STK32C: variants seen among roughly 807,000 people sequenced by gnomAD.
STK32C encodes serine/threonine kinase 32C.
Under a neutral mutation model 56.5 loss-of-function variants are expected in STK32C, and 31 were observed. That is an observed-to-expected ratio of 0.55 (90% CI 0.41 to 0.74). STK32C has a LOEUF of 0.74. Among genes scored for constraint, STK32C ranks in the 30% least tolerant of loss-of-function variants. The probability of loss-of-function intolerance (pLI) is 0.00; values close to 1 mark genes in which losing one functional copy is unlikely to be tolerated. For synonymous variants in STK32C, 309 were observed against 289.4 expected (o/e 1.07, Z -0.69); for missense variants, 544 against 676.9 (o/e 0.80, Z 2.18).
chr10:132,261,306 T>C (rs1294177941), intron 1 of STK32C, among the ~76,000 whole-genome samples: 1 of 152,054 alleles, frequency 6.6e-6, no homozygotes, highest in Non-Finnish European at 1.5e-5. Flanking sequence ...AGAACCAACA[T>C]ACAACAATCC....
chr10:132,279,782 C>T (rs985933633), intron 1 of STK32C, among the ~76,000 whole-genome samples: 1 of 150,852 alleles, frequency 6.6e-6, no homozygotes, highest in Non-Finnish European at 1.5e-5. Context: ...CCCCTGTACT[C>T]GGTGATCACA....
chr10:132,232,680 G>A (rs547006082), intron 2 of STK32C, among the ~76,000 whole-genome samples: 1 of 151,700 alleles, frequency 6.6e-6, no homozygotes, highest in South Asian at 2.1e-4. Context: ...CCAACCCCGG[G>A]CTCCGGAGCC....
At chr10:132,256,616 A>G (rs2064133226) in intron 1 of STK32C, among the ~76,000 whole-genome samples, 4 of 152,104 alleles carry the variant, frequency 2.6e-5, no homozygotes, top group South Asian at 4.2e-4. Flanking sequence ...AGCTCCCCAA[A>G]CCGCTGGAGA....
intron 1 of STK32C, among the ~76,000 whole-genome samples, chr10:132,275,620 G>A (rs2064971445): frequency 6.6e-6 from 1 of 152,186 alleles, no homozygotes. Context: ...AGGCCACGGG[G>A]CCAGTGGCCA....
downstream of STK32C, among the ~76,000 whole-genome samples, chr10:132,322,016 C>T (rs753376072): frequency 4.6e-5 from 7 of 152,264 alleles, no homozygotes; most frequent in Admixed American, 6.5e-5. Flanking sequence ...AAGATATTGA[C>T]GAACACCCTC....
intron 8 of STK32C, among the ~76,000 whole-genome samples, chr10:132,223,318 C>T (rs2062751734): frequency 6.6e-6 from 1 of 152,210 alleles, no homozygotes; most frequent in Non-Finnish European, 1.5e-5. Context: ...GGCTAACACT[C>T]GGCACATGGC....
At position 132,328,800 on chromosome 10, in the gene STK32C, A is replaced by AT. The variant is rs1410466322; in HGVS notation, c.301+2635dup. 2.0e-5 allele frequency among the ~76,000 whole-genome samples: 3 copies of AT among 152,256 alleles called. No individual in the cohort carries two copies. The East Asian group carries it at 5.8e-4, about 29-fold the overall frequency. On this transcript the variant is annotated intron_variant, in intron 1 of 1. Transcript: ENST00000368619. ...GAAAAAACATACAACTTCTGCAGCGATATCTGGAGATGGAGACGAGGACAG... is the reference window on the plus strand; with the variant it reads ...GAAAAAACATACAACTTCTGCAGCGATTATCTGGAGATGGAGACGAGGACAG...
chr10:132,234,024 C>G (rs148551772), intron 2 of STK32C, among the ~76,000 whole-genome samples: 1 of 152,166 alleles, frequency 6.6e-6, no homozygotes, highest in Non-Finnish European at 1.5e-5. Flanking sequence ...AGCGATCGTT[C>G]CGATGAGGTC....
At chr10:132,274,623 G>A (rs954177523) in intron 1 of STK32C, among the ~76,000 whole-genome samples, 1 of 152,214 alleles carries the variant, frequency 6.6e-6, no homozygotes, top group Non-Finnish European at 1.5e-5. Flanking sequence ...AGCCCACCAG[G>A]AGCCACGGAC....
At position 132,228,512 on chromosome 10, in the gene STK32C, G is replaced by A. The variant is rs937285951; in HGVS notation, c.319-384C>T. Reference sequence around the variant, plus strand: ...CAGCAGGACACATCTGTCAACAGGCGCTATCTGCAAACAGACAGGGTCCAG... The same window carrying A: ...CAGCAGGACACATCTGTCAACAGGCACTATCTGCAAACAGACAGGGTCCAG... On this transcript the variant is annotated intron_variant, in intron 2 of 11. Coordinates refer to ENST00000298630, the MANE Select transcript of STK32C (RefSeq NM_173575.4). 7.9e-5 allele frequency among the ~76,000 whole-genome samples: 12 copies of A among 152,196 alleles called. No homozygotes were observed. In the South Asian group the frequency reaches 8.3e-4, roughly 10 times the overall value.
chr10:132,307,310 C>T lies in STK32C; in HGVS notation c.262+262G>A, dbSNP rs1475619339. On this transcript the variant is annotated intron_variant, in intron 1 of 11. Transcript: ENST00000298630. The surrounding 1 kb of genome is among the most constrained non-coding windows in gnomAD (Gnocchi z 4.4). ...GAGGCGCGCGCAAGCCCGGAGACGC[C>T]ACAGCCGCGGGGGACCCTCGCCCCG... 2.8e-5 allele frequency: 9 copies of T among 321,790 alleles called. No homozygotes were observed. Among genetic ancestry groups the T allele is most frequent in the Non-Finnish European group, 5.1e-5 (9 of 177,832 alleles). 19.9% of individuals were successfully genotyped at this position (321,790 alleles called of 1,614,324 possible).
intron 1 of STK32C, among the ~76,000 whole-genome samples, chr10:132,250,860 G>A (rs2063879830): frequency 6.6e-6 from 1 of 152,202 alleles, no homozygotes; most frequent in East Asian, 1.9e-4. Context: ...AGAGGCCAAC[G>A]CTGCACTCAG....
upstream of STK32C, among the ~76,000 whole-genome samples, chr10:132,308,880 G>T (rs924898446): frequency 6.6e-6 from 1 of 152,220 alleles, no homozygotes; most frequent in East Asian, 1.9e-4. Context: ...CCTGGAGAAG[G>T]CGCGGCTCTG....
At chr10:132,219,974 G>A (rs907856163) in intron 10 of STK32C, among the ~76,000 whole-genome samples, 6 of 151,996 alleles carry the variant, frequency 3.9e-5, no homozygotes, top group Non-Finnish European at 5.9e-5. Flanking sequence ...GGTCATCACC[G>A]TCACCCTGAC....
chr10:132,308,658 C>G (rs2066158623), upstream of STK32C, among the ~76,000 whole-genome samples: 1 of 152,164 alleles, frequency 6.6e-6, no homozygotes, highest in South Asian at 2.1e-4. Flanking sequence ...TGCGCCCGCG[C>G]TCTCGGGCAC....
intron 1 of STK32C, among the ~76,000 whole-genome samples, chr10:132,290,132 A>G (rs1262442924): frequency 6.6e-6 from 1 of 152,098 alleles, no homozygotes; most frequent in African/African-American, 2.4e-5. Flanking sequence ...AGATGCCTCC[A>G]CCATAGACCC....
chr10:132,225,380 G>A (rs372579511), intron 6 of STK32C, 44 bp from the exon 7 acceptor site: 11 of 1,586,814 alleles, frequency 6.9e-6, no homozygotes, highest in South Asian at 2.2e-5. Flanking sequence ...CGGGGTCACA[G>A]CCCGGACCCG....
intron 2 of STK32C, among the ~76,000 whole-genome samples, chr10:132,239,639 C>T (rs938321844): frequency 6.6e-5 from 10 of 152,212 alleles, no homozygotes; most frequent in Admixed American, 6.5e-4. Flanking sequence ...GGGAGAAACC[C>T]AGGCCCAGCC....
chr10:132,249,168 G>T (rs2063804267), intron 1 of STK32C: 2 of 410,758 alleles, frequency 4.9e-6, no homozygotes, highest in Non-Finnish European at 9.8e-6. Flanking sequence ...GCAGGGGGCG[G>T]GGCTATGGGG....
Sources: gnomAD v4.1 joint callset for allele counts (sites outside exome capture counted in the v4.1 genomes callset) on GRCh38, gnomAD v4.1.1 for gene constraint, Gnocchi (gnomAD v3.1) non-coding constraint, MANE v1.5 for transcripts, NCBI Gene and HGNC (gene_info 2026-07-23, HGNC 2026-07-21) for gene names.